Variants in MACROD2 observed in about 807,000 individuals in gnomAD.
MACROD2 encodes ADP-ribose glycohydrolase MACROD2.
Under a neutral mutation model 70.4 loss-of-function variants are expected in MACROD2, and 36 were observed. That is an observed-to-expected ratio of 0.51 (90% CI 0.39 to 0.68). MACROD2 has a LOEUF of 0.68. Among genes scored for constraint, MACROD2 ranks in the 30% least tolerant of loss-of-function variants. The pLI is 0.00. For missense variants in MACROD2, 496 were observed against 538.4 expected (o/e 0.92, Z 0.78); for synonymous variants, 172 against 178.8 (o/e 0.96, Z 0.30).
intron 3 of MACROD2, among the ~76,000 whole-genome samples, chr20:14,205,729 C>T (rs925449088): frequency 6.6e-6 from 1 of 152,136 alleles, no homozygotes; most frequent in African/African-American, 2.4e-5. Flanking sequence ...TCTGTCACTA[C>T]CATTTGATTG....
chr20:15,239,275 A>T (rs998085584), intron 6 of MACROD2, among the ~76,000 whole-genome samples: 2 of 151,962 alleles, frequency 1.3e-5, no homozygotes, highest in African/African-American at 4.8e-5. Flanking sequence ...GAGAAAGAAC[A>T]AGTAAAAACA....
chr20:14,118,736 A>C (rs564262857), intron 3 of MACROD2, among the ~76,000 whole-genome samples: 2 of 152,112 alleles, frequency 1.3e-5, no homozygotes, highest in African/African-American at 4.8e-5. Context: ...TCTGATCTCA[A>C]ATGGGCTTCC....
At chr20:14,254,132 A>G (rs1390786971) in intron 3 of MACROD2, among the ~76,000 whole-genome samples, 1 of 152,118 alleles carries the variant, frequency 6.6e-6, no homozygotes, top group African/African-American at 2.4e-5. Context: ...AATCTTTATG[A>G]AACGAATTTA....
intron 3 of MACROD2, among the ~76,000 whole-genome samples, chr20:14,151,811 CTTTTTTT>C (rs144065987): frequency 1.7e-5 from 1 of 59,188 alleles, no homozygotes; most frequent in Non-Finnish European, 3.0e-5. Flanking sequence ...TGTATTGTAT[CTTTTTTT>C]TTTTTTTTTT....
At chr20:14,934,489 C>T (rs2074323470) in intron 5 of MACROD2, among the ~76,000 whole-genome samples, 1 of 152,126 alleles carries the variant, frequency 6.6e-6, no homozygotes, top group Non-Finnish European at 1.5e-5. Flanking sequence ...GAAAAAAAAT[C>T]AGAAAAGGTT....
intron 5 of MACROD2, among the ~76,000 whole-genome samples, chr20:15,111,461 C>T (rs1406369529): frequency 2.0e-5 from 3 of 152,206 alleles, no homozygotes; most frequent in Admixed American, 6.5e-5. Flanking sequence ...TGAGCCACTG[C>T]GCCTGGCCCT....
intron 12 of MACROD2, among the ~76,000 whole-genome samples, chr20:15,949,391 T>C (rs557529405): frequency 3.7e-4 from 56 of 152,240 alleles, no homozygotes; most frequent in African/African-American, 1.3e-3. Context: ...AAGAAATCTA[T>C]TGATATGCTA....
At chr20:15,114,509 TAAC>T (rs953664311) in intron 5 of MACROD2, among the ~76,000 whole-genome samples, 3 of 152,210 alleles carry the variant, frequency 2.0e-5, no homozygotes, top group Middle Eastern at 3.4e-3. Flanking sequence ...CAGTCAGTCT[TAAC>T]AACCACAAAG....
At chr20:14,565,652 C>T (rs376325397) in intron 4 of MACROD2, among the ~76,000 whole-genome samples, 6 of 151,810 alleles carry the variant, frequency 4.0e-5, no homozygotes, top group East Asian at 3.9e-4. Context: ...ACAGTGCTAA[C>T]GTAACAATGT....
intron 8 of MACROD2, among the ~76,000 whole-genome samples, chr20:15,708,167 A>G (rs1402633507): frequency 6.6e-6 from 1 of 152,172 alleles, no homozygotes; most frequent in Non-Finnish European, 1.5e-5. Flanking sequence ...TCATCAAAAT[A>G]CATGTTGAGA....
chr20:15,733,110 C>G (rs979842826), intron 8 of MACROD2, among the ~76,000 whole-genome samples: 5 of 152,012 alleles, frequency 3.3e-5, no homozygotes, highest in African/African-American at 1.2e-4. Flanking sequence ...GATTTTCAAT[C>G]CCTTTCATCT....
intron 3 of MACROD2, among the ~76,000 whole-genome samples, chr20:14,273,447 G>A (rs1460372532): frequency 5.4e-5 from 8 of 147,778 alleles, no homozygotes; most frequent in Non-Finnish European, 1.2e-4. Flanking sequence ...TGAAACCAAC[G>A]AGAACAAAGA....
At chr20:14,245,964 G>A (rs1250970149) in intron 3 of MACROD2, among the ~76,000 whole-genome samples, 1 of 152,152 alleles carries the variant, frequency 6.6e-6, no homozygotes, top group Admixed American at 6.5e-5. Context: ...TGCAAGTATT[G>A]TTTTATCTCA....
chr20:14,863,901 G>T (rs945269849), intron 5 of MACROD2, among the ~76,000 whole-genome samples: 2 of 152,044 alleles, frequency 1.3e-5, no homozygotes, highest in Non-Finnish European at 2.9e-5. Context: ...CTTCTCCATT[G>T]TTAAACTTGA....
chr20:15,793,443 G>A (rs6131708), intron 8 of MACROD2, among the ~76,000 whole-genome samples: 69,628 of 151,930 alleles, frequency 0.46, 16,534 homozygotes, highest in African/African-American at 0.59. Context: ...TTAATTTTTA[G>A]AAATAGTATA....
chr20:14,327,200 G>A, intron 3 of MACROD2: 2 of 1,613,566 alleles, frequency 1.2e-6, no homozygotes, highest in Non-Finnish European at 8.5e-7. Context: ...ACATACTTTG[G>A]GAGGTTGGTA....
chr20:15,206,798 G>A (rs1386966276), intron 5 of MACROD2, among the ~76,000 whole-genome samples: 7 of 134,580 alleles, frequency 5.2e-5, no homozygotes, highest in South Asian at 4.9e-4. Context: ...CTGCAGTGGC[G>A]CAATCTCGGC....
chr20:14,230,395 G>A (rs1006077621), intron 3 of MACROD2, among the ~76,000 whole-genome samples: 2 of 151,880 alleles, frequency 1.3e-5, no homozygotes, highest in Non-Finnish European at 2.9e-5. Context: ...TTCAAAAGGA[G>A]TAGTTTCCAT....
chr20:15,365,625 C>T (rs959669845), intron 6 of MACROD2, among the ~76,000 whole-genome samples: 2 of 151,128 alleles, frequency 1.3e-5, no homozygotes, highest in Non-Finnish European at 1.5e-5. Context: ...CGCACCACTG[C>T]ACTCCAGCCT....
Sources: allele counts gnomAD v4.1 joint callset (sites outside exome capture counted in the v4.1 genomes callset), GRCh38; gene constraint gnomAD v4.1.1; transcripts MANE v1.5; gene names NCBI Gene and HGNC (gene_info 2026-07-23, HGNC 2026-07-21).